The following TMTC2 variants were observed in gnomAD, a reference collection of about 807,000 sequenced individuals.
The protein encoded by TMTC2 is transmembrane O-mannosyltransferase targeting cadherins 2.
Under a neutral mutation model 82.4 loss-of-function variants are expected in TMTC2, and 43 were observed. The observed-to-expected ratio is 0.52, with a 90% CI of 0.41 to 0.67. TMTC2 has a LOEUF of 0.67. Among genes scored for constraint, TMTC2 ranks in the 30% least tolerant of loss-of-function variants. TMTC2 has a pLI of 0.00. For missense variants in TMTC2, 919 were observed against 1,012.4 expected, an observed-to-expected ratio of 0.91 and a Z score of 1.25; for synonymous variants, 408 against 381.9, an observed-to-expected ratio of 1.07 and a Z score of -0.80.
intron 1 of TMTC2, among the ~76,000 whole-genome samples, chr12:82,779,979 C>A (rs2137007198): frequency 6.6e-6 from 1 of 152,216 alleles, no homozygotes; most frequent in East Asian, 1.9e-4. Context: ...TCGACTGCTA[C>A]TTCAAGAGTA....
At chr12:82,770,466 A>G (rs886996643) in intron 1 of TMTC2, among the ~76,000 whole-genome samples, 1 of 152,016 alleles carries the variant, frequency 6.6e-6, no homozygotes, top group African/African-American at 2.4e-5. Context: ...CTTAGATAGA[A>G]TTTAGTATGC....
chr12:82,844,950 G>A (rs909808275), intron 1 of TMTC2, among the ~76,000 whole-genome samples: 1 of 151,466 alleles, frequency 6.6e-6, no homozygotes, highest in Admixed American at 6.6e-5. Flanking sequence ...GTAAGGGGCC[G>A]GGTGCGGTGG....
At position 83,050,934 on chromosome 12, in the gene TMTC2, T is replaced by C. The variant is rs1882321599; in HGVS notation, c.2183T>C (p.Ile728Thr). The change falls in exon 10 of 12, where the codon ATA becomes ACA. Residue 728 changes from isoleucine (I) to threonine (T), a missense_variant. Ile to Thr is a moderately conservative substitution (Grantham distance 89). Transcript: ENST00000321196. Reference protein sequence around the residue: ...GQFLLEEARLIEAAEMAKKAA... With the variant: ...GQFLLEEARLTEAAEMAKKAA... ...TTTCTTCTGGAAGAAGCTCGTCTCATAGAAGCAGCTGAGATGGCAAAAAAA... is the reference window on the plus strand; with the variant it reads ...TTTCTTCTGGAAGAAGCTCGTCTCACAGAAGCAGCTGAGATGGCAAAAAAA... 3.7e-6 allele frequency: 6 copies of C among 1,613,230 alleles called. No individual in the cohort carries two copies. The highest frequency in any genetic ancestry group is 5.1e-6 in the Non-Finnish European group (6 of 1,179,490).
At chr12:83,040,060 A>C (rs1269864337) in intron 9 of TMTC2, among the ~76,000 whole-genome samples, 1 of 152,258 alleles carries the variant, frequency 6.6e-6, no homozygotes, top group Non-Finnish European at 1.5e-5. Flanking sequence ...CTGACCAAGC[A>C]CTGGGCACTT....
rs546486507 is a variant in TMTC2 at position 82,946,759 on chromosome 12, T to C, written c.1598+16214T>C. Among the ~76,000 whole-genome samples, 3 of 150,044 alleles carry C rather than the reference T, an allele frequency of 2.0e-5. No homozygotes were observed. In the South Asian group the frequency reaches 6.3e-4, roughly 32 times the overall value. On this transcript the variant is annotated intron_variant, in intron 4 of 11. Coordinates refer to ENST00000321196, the MANE Select transcript of TMTC2 (RefSeq NM_152588.3). ...ACTTTTCTTTTCTTTTTTTTTTTTT[T>C]GAGACAGAGTCTTGCTCTGTCGCCC... is the stretch of plus-strand genomic sequence containing the variant.
At chr12:82,716,696 G>A (rs1353840051) in intron 1 of TMTC2, among the ~76,000 whole-genome samples, 1 of 152,150 alleles carries the variant, frequency 6.6e-6, no homozygotes, top group Admixed American at 6.5e-5. Flanking sequence ...CCAGTTAAAT[G>A]TAGGGGTGGA....
rs541956827 is a variant in TMTC2 at position 82,735,647 on chromosome 12, C to G, written c.83+47978C>G. Among the ~76,000 whole-genome samples the G allele has an allele frequency of 2.7e-3, 406 of 150,826 alleles. 1 individual carries two copies. Among genetic ancestry groups the G allele is most frequent in the South Asian group, 7.9e-3 (37 of 4,712 alleles). On this transcript the variant is annotated intron_variant, in intron 1 of 11. Coordinates refer to ENST00000321196, the MANE Select transcript of TMTC2 (RefSeq NM_152588.3). ...GGCGTGAGCCACCGCACCCAGCCCC[C>G]CTAATTTTGATTTTTTAAAGATGTA...
At chr12:83,122,801 T>C (rs1049452887) in intron 11 of TMTC2, among the ~76,000 whole-genome samples, 3 of 152,212 alleles carry the variant, frequency 2.0e-5, no homozygotes, top group Admixed American at 1.3e-4. Context: ...CAGGCTGCTC[T>C]GTCTGTCCAA....
chr12:82,729,049 C>A (rs11115360), intron 1 of TMTC2, among the ~76,000 whole-genome samples: 1 of 152,222 alleles, frequency 6.6e-6, no homozygotes, highest in African/African-American at 2.4e-5. Context: ...CCCCGACGAG[C>A]GCTGCCCCCT....
chr12:83,036,332 T>C (rs1430786181), intron 9 of TMTC2, among the ~76,000 whole-genome samples: 5 of 152,176 alleles, frequency 3.3e-5, no homozygotes, highest in African/African-American at 1.2e-4. Flanking sequence ...TCTTTCTTGC[T>C]TGTGAGCTCA....
chr12:82,793,511 C>G (rs1878564934), intron 1 of TMTC2, among the ~76,000 whole-genome samples: 1 of 151,450 alleles, frequency 6.6e-6, no homozygotes, highest in Non-Finnish European at 1.5e-5. Context: ...GTAATATTTC[C>G]CTAATATTTT....
At chr12:82,808,055 TTAAA>T (rs1328592603) in intron 1 of TMTC2, among the ~76,000 whole-genome samples, 1 of 151,928 alleles carries the variant, frequency 6.6e-6, no homozygotes, top group African/African-American at 2.4e-5. Flanking sequence ...GATTCAGTTT[TTAAA>T]AAACTGAATC....
At chr12:83,009,943 T>A (rs1880379169) in intron 8 of TMTC2, among the ~76,000 whole-genome samples, 1 of 152,182 alleles carries the variant, frequency 6.6e-6, no homozygotes, top group Non-Finnish European at 1.5e-5. Flanking sequence ...TGTGTTCCTG[T>A]GAGAATCTAA....
At chr12:82,756,825 A>G (rs1876356254) in intron 1 of TMTC2, among the ~76,000 whole-genome samples, 1 of 152,180 alleles carries the variant, frequency 6.6e-6, no homozygotes. Context: ...CTACGATTCC[A>G]AATATCACAC....
At chr12:82,781,399 C>CTTTTTTTTTT in intron 1 of TMTC2, among the ~76,000 whole-genome samples, 1 of 121,172 alleles carries the variant, frequency 8.3e-6, no homozygotes, top group African/African-American at 3.1e-5. Context: ...GGAGTTTGCT[C>CTTTTTTTTTT]TTTTTTTTTT....
chr12:82,823,888 A>G (rs1472979874), intron 1 of TMTC2, among the ~76,000 whole-genome samples: 4 of 149,000 alleles, frequency 2.7e-5, no homozygotes, highest in Non-Finnish European at 4.4e-5. Context: ...GCTGGCCATT[A>G]TTCTATTTTT....
At chr12:83,026,539 G>A (rs1483381071) in intron 8 of TMTC2, among the ~76,000 whole-genome samples, 1 of 151,940 alleles carries the variant, frequency 6.6e-6, no homozygotes, top group East Asian at 1.9e-4. Flanking sequence ...TACAGAGTTG[G>A]GTAGTTGATG....
intron 1 of TMTC2, among the ~76,000 whole-genome samples, chr12:82,693,591 G>C (rs937611490): frequency 6.6e-6 from 1 of 152,154 alleles, no homozygotes. Flanking sequence ...CTAAATTTCT[G>C]TCTCACCCTC....
At chr12:82,772,237 T>C (rs1173370211) in intron 1 of TMTC2, among the ~76,000 whole-genome samples, 1 of 152,210 alleles carries the variant, frequency 6.6e-6, no homozygotes, top group Non-Finnish European at 1.5e-5. Flanking sequence ...CCTTGCATGC[T>C]GAGCCAACTT....
Sources: allele counts gnomAD v4.1 joint callset (sites outside exome capture counted in the v4.1 genomes callset), GRCh38; gene constraint gnomAD v4.1.1; transcripts MANE v1.5; gene names NCBI Gene and HGNC (gene_info 2026-07-23, HGNC 2026-07-21).